Variants in MOK observed in about 807,000 individuals in gnomAD.
MOK encodes the protein MOK protein kinase.
MOK carries 59 observed loss-of-function variants against 54.2 expected under a neutral mutation model. The observed-to-expected ratio is 1.09, with a 90% CI of 0.88 to 1.35. The LOEUF (loss-of-function observed/expected upper bound fraction) is 1.35. MOK is among the 40% of genes most tolerant of loss of function. The pLI is 0.00. For synonymous variants in MOK, 210 were observed against 202.7 expected (o/e 1.04, Z -0.31); for missense variants, 517 against 526.2 (o/e 0.98, Z 0.17).
chr14:102,253,075 C>T (rs904037634), intron 4 of MOK, among the ~76,000 whole-genome samples: 1 of 152,152 alleles, frequency 6.6e-6, no homozygotes, highest in Non-Finnish European at 1.5e-5. Flanking sequence ...CGTGGTTTTT[C>T]TGAGTTTTGA....
chr14:102,237,184 C>A (rs2065297668), intron 7 of MOK, among the ~76,000 whole-genome samples: 1 of 152,216 alleles, frequency 6.6e-6, no homozygotes, highest in East Asian at 1.9e-4. Context: ...CAAGCTTTAG[C>A]TCAAGATCTC....
At chr14:102,227,449 G>A (rs1453342640), downstream of MOK, among the ~76,000 whole-genome samples, 3 of 151,850 alleles carry the variant, frequency 2.0e-5, no homozygotes, top group South Asian at 2.1e-4. Context: ...GAGGCAGAAC[G>A]GCACCACCCC....
intron 2 of MOK, among the ~76,000 whole-genome samples, chr14:102,272,224 C>T (rs1318645148): frequency 2.0e-5 from 3 of 152,224 alleles, no homozygotes; most frequent in Non-Finnish European, 4.4e-5. Flanking sequence ...CATGGTAGCT[C>T]ACGCCTGTAA....
chr14:102,268,164 A>G (rs1281968477), intron 2 of MOK, among the ~76,000 whole-genome samples: 2 of 152,310 alleles, frequency 1.3e-5, no homozygotes, highest in East Asian at 3.9e-4. Flanking sequence ...TAGGAAAACC[A>G]GTTATCACAC....
chr14:102,215,623 C>T, the MOK span, among the ~76,000 whole-genome samples: 1 of 152,130 alleles, frequency 6.6e-6, no homozygotes, highest in Non-Finnish European at 1.5e-5. Flanking sequence ...CCTCCCCTTG[C>T]CCCCAGGTAG....
At chr14:102,223,970 A>G (rs2064143204), downstream of MOK, among the ~76,000 whole-genome samples, 1 of 151,968 alleles carries the variant, frequency 6.6e-6, no homozygotes, top group South Asian at 2.1e-4. Flanking sequence ...GTGACCACAC[A>G]TAACACAGTT....
the MOK span, among the ~76,000 whole-genome samples, chr14:102,218,746 C>T: frequency 6.6e-6 from 1 of 152,142 alleles, no homozygotes; most frequent in South Asian, 2.1e-4. Flanking sequence ...AGGCTTGCCC[C>T]GTTCCTCTCA....
Position 102,249,607 on chromosome 14 carries a change from G to T in MOK, c.590+1205C>A, listed in dbSNP as rs753297840. Among the ~76,000 whole-genome samples the T allele has an allele frequency of 3.3e-5, 5 of 152,184 alleles. No individual in the cohort carries two copies. The highest frequency in any genetic ancestry group is 5.9e-5 in the Non-Finnish European group (4 of 68,036). On this transcript the variant is annotated intron_variant, in intron 7 of 11. Coordinates refer to ENST00000361847, the MANE Select transcript of MOK (RefSeq NM_014226.3). The surrounding 1 kb of genome is among the most constrained non-coding windows in gnomAD (Gnocchi z 5.3). ...GCCTGTAATCCCAGCTACTTGGGGG[G>T]CTGAGGCAGGAGAATCGCTAGAACC... is the stretch of plus-strand genomic sequence containing the variant.
chr14:102,301,810 A>G (rs2072231160), intron 1 of MOK, among the ~76,000 whole-genome samples: 1 of 152,268 alleles, frequency 6.6e-6, no homozygotes, highest in African/African-American at 2.4e-5. Context: ...ATGACCATCT[A>G]AAAGAACATA....
chr14:102,229,569 A>G lies in MOK; in HGVS notation c.1070T>C (p.Val357Ala). Reference sequence around the variant, plus strand: ...GCTGGAGTAAGACGACAGTCTGACCACTCCCGAAAGCTTTAGTTTGGGCAG... The same window carrying G: ...GCTGGAGTAAGACGACAGTCTGACCGCTCCCGAAAGCTTTAGTTTGGGCAG... ...MELPKLKLSG[V>A]VRLSSYSSPT... The change falls in exon 11 of 12, where the codon GTG becomes GCG. Residue 357 changes from valine to alanine, a missense_variant. Val to Ala is a moderately conservative substitution (Grantham distance 64, BLOSUM62 0). Coordinates refer to ENST00000361847, the MANE Select transcript of MOK (RefSeq NM_014226.3). The G allele has an allele frequency of 6.2e-7, 1 of 1,613,926 alleles. No homozygotes were observed. The highest frequency in any genetic ancestry group is 8.5e-7 in the Non-Finnish European group (1 of 1,179,994).
intron 4 of MOK, among the ~76,000 whole-genome samples, chr14:102,257,707 A>AT (rs765915383): frequency 3.2e-4 from 49 of 152,332 alleles, no homozygotes; most frequent in Non-Finnish European, 5.1e-4. Context: ...GGCTGGGCGC[A>AT]GTGGCTCACG....
chr14:102,245,774 C>A lies in MOK; in HGVS notation c.590+5038G>T, dbSNP rs1454322785. Among the ~76,000 whole-genome samples, 1 of 152,158 alleles carries A rather than the reference C, an allele frequency of 6.6e-6. No individual in the cohort carries two copies. The highest frequency in any genetic ancestry group is 2.4e-5 in the African/African-American group (1 of 41,426). ...TTCACATGGACGTGTGTGACACTTACAACCCCTACTGCAGCCAAACTCTCA... is the reference window on the plus strand; with the variant it reads ...TTCACATGGACGTGTGTGACACTTAAAACCCCTACTGCAGCCAAACTCTCA... On this transcript the variant is annotated intron_variant, in intron 7 of 11. Transcript: ENST00000361847. The surrounding 1 kb of genome is among the most constrained non-coding windows in gnomAD (Gnocchi z 4.3).
chr14:102,281,148 A>AC (rs1292394522), intron 2 of MOK, among the ~76,000 whole-genome samples: 2 of 152,008 alleles, frequency 1.3e-5, no homozygotes, highest in Non-Finnish European at 2.9e-5. Context: ...ACATGGTGAA[A>AC]CCCCATCTCT....
chr14:102,262,276 G>A (rs924900605), intron 4 of MOK, among the ~76,000 whole-genome samples: 3 of 150,754 alleles, frequency 2.0e-5, no homozygotes, highest in African/African-American at 7.5e-5. Context: ...TTCCTGAGTA[G>A]GTGGGACTAC....
Position 102,229,229 on chromosome 14 carries a change from C to CA in MOK, c.*59dup. 6.7e-7 allele frequency: 1 copy of CA among 1,499,940 alleles called. No individual in the cohort carries two copies. 92.9% of individuals were successfully genotyped at this position (1,499,940 alleles called of 1,614,324 possible). A position where few individuals can be genotyped will look rare whatever the true frequency, so the allele number is the denominator to read the frequency against. On this transcript the variant is annotated 3_prime_UTR_variant, in exon 12 of 12. Transcript: ENST00000361847. ...CGTGGCGTCTCAGCAGCAGATCACC[C>CA]AGGCCTGGCCCGGTCGGGCTTGGTG...
At chr14:102,298,746 G>C (rs1410588553) in intron 1 of MOK, among the ~76,000 whole-genome samples, 1 of 152,130 alleles carries the variant, frequency 6.6e-6, no homozygotes. Context: ...TGGAAGCTTT[G>C]TTCTTTCACC....
At chr14:102,275,248 G>A (rs752903620) in intron 2 of MOK, among the ~76,000 whole-genome samples, 19 of 151,922 alleles carry the variant, frequency 1.3e-4, no homozygotes, top group Non-Finnish European at 1.3e-4. Flanking sequence ...GATCCCTACC[G>A]CTCACCATTC....
At chr14:102,251,854 T>C in intron 5 of MOK, 50 bp from the exon 6 acceptor site, 5 of 1,536,062 alleles carry the variant, frequency 3.3e-6, no homozygotes, top group Non-Finnish European at 4.5e-6. Context: ...TTATTCAAAT[T>C]CTTGAATCTG....
Position 102,231,863 on chromosome 14 carries a change from C to A in MOK, c.867-42G>T. On this transcript the variant is annotated intron_variant, in intron 9 of 11. Transcript: ENST00000361847. The surrounding 1 kb of genome is among the most constrained non-coding windows in gnomAD (Gnocchi z 4.4). ...GAGAATGGAGCAGCTCCACTGAGAG[C>A]CCGCAGAGCACACGGCCTACTGGCT... The A allele has an allele frequency of 6.5e-7, 1 of 1,542,116 alleles. No individual in the cohort carries two copies. Among genetic ancestry groups the A allele is most frequent in the Non-Finnish European group, 8.9e-7 (1 of 1,118,960 alleles).
Sources: gnomAD v4.1 joint callset for allele counts (sites outside exome capture counted in the v4.1 genomes callset) on GRCh38, gnomAD v4.1.1 for gene constraint, Gnocchi (gnomAD v3.1) non-coding constraint, MANE v1.5 for transcripts, NCBI Gene and HGNC (gene_info 2026-07-23, HGNC 2026-07-21) for gene names.